Variants in TDP1 observed in about 807,000 individuals in gnomAD.
TDP1 encodes the protein tyrosyl-DNA phosphodiesterase 1, also known as tyr-DNA phosphodiesterase 1.
A neutral mutation model predicts 81.5 loss-of-function variants in TDP1; 64 were observed. The ratio of observed to expected loss-of-function variants is 0.79; its 90% CI spans 0.64 to 0.97. The LOEUF (loss-of-function observed/expected upper bound fraction) is 0.97, where lower values mean the gene tolerates loss of function less well. Among genes scored for constraint, TDP1 ranks in the 50% least tolerant of loss-of-function variants. The probability of loss-of-function intolerance (pLI) is 0.00; values close to 1 mark genes in which losing one functional copy is unlikely to be tolerated. For synonymous variants in TDP1, 256 were observed against 264.3 expected, an observed-to-expected ratio of 0.97 and a Z score of 0.30; for missense variants, 723 against 743.8, an observed-to-expected ratio of 0.97 and a Z score of 0.33.
Position 89,971,813 on chromosome 14 carries a change from C to A in TDP1, c.756+542C>A, listed in dbSNP as rs544549966. On this transcript the variant is annotated intron_variant, in intron 6 of 16. Coordinates refer to ENST00000335725, the MANE Select transcript of TDP1 (RefSeq NM_018319.4). The stretch of plus-strand genomic sequence containing the variant: ...CTGTGGGTTTCTTTTTGTGAGTATC[C>A]TGTGAGTGCAACTTAAAACTTGTAG... 1.6e-4 allele frequency among the ~76,000 whole-genome samples: 24 copies of A among 152,218 alleles called. No individual in the cohort carries two copies. The South Asian group carries it at 4.8e-3, about 30-fold the overall frequency.
chr14:89,963,555 A>G lies in TDP1; in HGVS notation c.441A>G (p.Thr147=), dbSNP rs1892587400. Residue 147 remains threonine (T), a synonymous_variant, in exon 3 of 17, where the codon ACA becomes ACG. Transcript: ENST00000335725. Reference sequence around the variant, plus strand: ...AAGAGGAGGAAGACGAGTATGAGACATCAGGGGAGGGCCAGGACATTTGGG... The same window carrying G: ...AAGAGGAGGAAGACGAGTATGAGACGTCAGGGGAGGGCCAGGACATTTGGG... The part of the protein sequence containing the change: ...RLKEEEDEYE[T]SGEGQDIWDM... 1.2e-6 allele frequency: 2 copies of G among 1,612,292 alleles called. No individual in the cohort carries two copies. Among genetic ancestry groups the G allele is most frequent in the East Asian group, 4.5e-5 (2 of 44,850 alleles).
chr14:89,988,427 C>G (rs1338359036), intron 10 of TDP1: 1 of 218,300 alleles, frequency 4.6e-6, no homozygotes, highest in East Asian at 1.8e-4. Flanking sequence ...TAGGGTCTGC[C>G]AGCCATCAGT....
At chr14:89,972,345 T>A (rs34612773) in intron 6 of TDP1, among the ~76,000 whole-genome samples, 14,456 of 152,066 alleles carry the variant, frequency 0.095, 1,773 homozygotes, top group African/African-American at 0.28. Flanking sequence ...ATGAGAACTC[T>A]CTATCACGAG....
At chr14:89,978,965 T>C (rs1187763744) in intron 7 of TDP1, among the ~76,000 whole-genome samples, 2 of 150,862 alleles carry the variant, frequency 1.3e-5, no homozygotes, top group African/African-American at 5.0e-5. Flanking sequence ...CGTACCCTTT[T>C]TCTTATCTTT....
chr14:90,009,722 C>T (rs1017291780), intron 14 of TDP1, among the ~76,000 whole-genome samples: 5 of 152,142 alleles, frequency 3.3e-5, no homozygotes, highest in Non-Finnish European at 5.9e-5. Context: ...ATTTGTAAAA[C>T]CCCAAGGAGT....
intron 14 of TDP1, among the ~76,000 whole-genome samples, chr14:90,014,375 A>G (rs1384059546): frequency 6.6e-6 from 1 of 152,216 alleles, no homozygotes; most frequent in African/African-American, 2.4e-5. Flanking sequence ...AGAATGCAAA[A>G]TGGAAGGAAA....
At chr14:90,035,682 T>C (rs1887746016) in intron 16 of TDP1, among the ~76,000 whole-genome samples, 1 of 152,054 alleles carries the variant, frequency 6.6e-6, no homozygotes, top group Non-Finnish European at 1.5e-5. Flanking sequence ...TTTGGCTTTG[T>C]GCTACTTTTG....
chr14:90,023,456 C>T (rs954482083), intron 15 of TDP1, among the ~76,000 whole-genome samples: 1 of 152,150 alleles, frequency 6.6e-6, no homozygotes, highest in African/African-American at 2.4e-5. Flanking sequence ...AGTAGAAAGG[C>T]ATCAGTTTTT....
intron 13 of TDP1, chr14:89,993,076 C>A: frequency 1.1e-6 from 1 of 884,276 alleles, no homozygotes; most frequent in Non-Finnish European, 1.4e-6. Flanking sequence ...GACATATACA[C>A]ACATGCTGTT....
At chr14:89,989,250 A>C (rs1895920586) in intron 11 of TDP1, 160 bp downstream of exon 11, 1 of 951,530 alleles carries the variant, frequency 1.1e-6, no homozygotes, top group Non-Finnish European at 1.3e-6. Flanking sequence ...GTACATTAGC[A>C]TCGTCATTTG....
chr14:89,977,249 G>A (rs1894444439), intron 7 of TDP1, among the ~76,000 whole-genome samples: 1 of 152,186 alleles, frequency 6.6e-6, no homozygotes, highest in Non-Finnish European at 1.5e-5. Flanking sequence ...ACATTATCTT[G>A]TAGAAGATTG....
At chr14:89,968,951 A>G (rs1893266556) in intron 5 of TDP1, among the ~76,000 whole-genome samples, 1 of 152,270 alleles carries the variant, frequency 6.6e-6, no homozygotes, top group African/African-American at 2.4e-5. Context: ...AGGCATTAGG[A>G]TGGACATTAA....
chr14:89,984,814 G>A (rs953095009), intron 9 of TDP1, 131 bp downstream of exon 9: 1 of 1,579,156 alleles, frequency 6.3e-7, no homozygotes, highest in Admixed American at 1.8e-5. Context: ...GTGATGAGGG[G>A]ATGAGCAGAT....
intron 14 of TDP1, among the ~76,000 whole-genome samples, chr14:90,008,150 A>G (rs1001932411): frequency 6.6e-5 from 10 of 152,200 alleles, no homozygotes; most frequent in African/African-American, 1.4e-4. Flanking sequence ...ACAGTTCGGT[A>G]AAATTATTGG....
intron 16 of TDP1, among the ~76,000 whole-genome samples, chr14:90,040,836 G>C (rs1447575162): frequency 6.6e-6 from 1 of 152,212 alleles, no homozygotes; most frequent in Non-Finnish European, 1.5e-5. Flanking sequence ...TCCAGGTAGT[G>C]ATGGGCTTTT....
chr14:89,977,828 A>G (rs1223240778), intron 7 of TDP1, among the ~76,000 whole-genome samples: 2 of 150,710 alleles, frequency 1.3e-5, no homozygotes, highest in African/African-American at 5.0e-5. Flanking sequence ...GAGACTGCAT[A>G]CACTTTGGCA....
chr14:89,990,629 G>C (rs1391681596), intron 12 of TDP1, among the ~76,000 whole-genome samples: 1 of 115,916 alleles, frequency 8.6e-6, no homozygotes, highest in African/African-American at 3.3e-5. Context: ...GTTTTTCTTT[G>C]GTACTCTTTT....
intron 8 of TDP1, 87 bp from the exon 9 acceptor site, chr14:89,984,429 C>G: frequency 1.2e-6 from 2 of 1,607,496 alleles, no homozygotes; most frequent in Non-Finnish European, 1.7e-6. Context: ...GAATTCACCT[C>G]TTTCTTAGGA....
chr14:89,964,116 C>CT (rs1327279708), intron 3 of TDP1, among the ~76,000 whole-genome samples: 1 of 152,170 alleles, frequency 6.6e-6, no homozygotes, highest in African/African-American at 2.4e-5. Flanking sequence ...ATCCTGCAGT[C>CT]TGTGTTTTCA....
Sources: allele counts gnomAD v4.1 joint callset (sites outside exome capture counted in the v4.1 genomes callset), GRCh38; gene constraint gnomAD v4.1.1; transcripts MANE v1.5; gene names NCBI Gene and HGNC (gene_info 2026-07-23, HGNC 2026-07-21).